TSHZ2: variants seen among roughly 807,000 people sequenced by gnomAD.
The protein encoded by TSHZ2 is teashirt zinc finger homeobox 2.
Under a neutral mutation model 74.4 loss-of-function variants are expected in TSHZ2, and 21 were observed. The ratio of observed to expected loss-of-function variants is 0.28; its 90% CI spans 0.20 to 0.41. The LOEUF is 0.41. Among genes scored for constraint, TSHZ2 ranks in the 10% least tolerant of loss-of-function variants. TSHZ2 has a pLI of 1.00. For synonymous variants in TSHZ2, 540 were observed against 515.3 expected (o/e 1.05, Z -0.65); for missense variants, 1,244 against 1,293.5 (o/e 0.96, Z 0.59).
chr20:53,304,639 G>T (rs944979500), intron 2 of TSHZ2, among the ~76,000 whole-genome samples: 17 of 152,056 alleles, frequency 1.1e-4, no homozygotes, highest in African/African-American at 4.1e-4. Flanking sequence ...TTGTTTGTTT[G>T]TTTGTTTGTT....
intron 1 of TSHZ2, among the ~76,000 whole-genome samples, chr20:53,005,791 T>A (rs1982622516): frequency 6.6e-6 from 1 of 152,228 alleles, no homozygotes; most frequent in Non-Finnish European, 1.5e-5. Flanking sequence ...TTCCTCTAGC[T>A]GATGTGTTTG....
chr20:53,452,464 G>T (rs948180967), intron 2 of TSHZ2, among the ~76,000 whole-genome samples: 2 of 152,106 alleles, frequency 1.3e-5, no homozygotes, highest in Non-Finnish European at 2.9e-5. Context: ...GCTGGGCATG[G>T]TAAAGTGTAC....
intron 2 of TSHZ2, among the ~76,000 whole-genome samples, chr20:53,409,349 G>T (rs916395834): frequency 6.6e-6 from 1 of 151,808 alleles, no homozygotes; most frequent in South Asian, 2.1e-4. Flanking sequence ...ATGTTGTGGC[G>T]CCTACTTAAG....
intron 1 of TSHZ2, among the ~76,000 whole-genome samples, chr20:53,212,763 T>C (rs1219760185): frequency 6.6e-6 from 1 of 152,176 alleles, no homozygotes; most frequent in East Asian, 1.9e-4. Flanking sequence ...TCCCCCAGAT[T>C]GAGAACCAGC....
chr20:53,148,183 A>G (rs941773366), intron 1 of TSHZ2, among the ~76,000 whole-genome samples: 7 of 152,194 alleles, frequency 4.6e-5, no homozygotes, highest in African/African-American at 1.4e-4. Flanking sequence ...ACGAACTTCA[A>G]TTGATCACAT....
At chr20:53,362,650 A>G (rs117991596) in intron 2 of TSHZ2, among the ~76,000 whole-genome samples, 307 of 86,358 alleles carry the variant, frequency 3.6e-3, no homozygotes, top group Non-Finnish European at 6.1e-3. Flanking sequence ...ACAACACACC[A>G]GTCCAGATCT....
intron 1 of TSHZ2, among the ~76,000 whole-genome samples, chr20:53,192,096 ATAT>A (rs1462268327): frequency 6.6e-6 from 1 of 152,224 alleles, no homozygotes; most frequent in Non-Finnish European, 1.5e-5. Flanking sequence ...CAAGGAGATA[ATAT>A]TATTAACTTG....
chr20:53,255,447 GA>G lies in TSHZ2; in HGVS notation c.1991del (p.Lys664ArgfsTer13). The G allele has an allele frequency of 6.2e-7, 1 of 1,611,378 alleles. No individual in the cohort carries two copies. Among genetic ancestry groups the G allele is most frequent in the Non-Finnish European group, 8.5e-7 (1 of 1,179,934 alleles). ...AGAAGCTGATGAAAGAGGGCAGCGA[GA>G]AGGAGAAACCCCAGCCCCTGGAGCC... ...EEKLMKEGSEKEKPQPLEPTS... is the reference protein window; with the variant it reads ...EEKLMKEGSEXEKPQPLEPTS... On this transcript the variant is annotated frameshift_variant, in exon 2 of 3. Transcript: ENST00000371497. LOFTEE classifies it high-confidence loss of function. The surrounding 1 kb of genome is among the most constrained non-coding windows in gnomAD (Gnocchi z 4.1).
intron 2 of TSHZ2, among the ~76,000 whole-genome samples, chr20:53,432,755 G>A (rs1983892454): frequency 6.6e-6 from 1 of 152,106 alleles, no homozygotes; most frequent in African/African-American, 2.4e-5. Context: ...GTTTTTTTCA[G>A]TTGGGCTTCT....
intron 1 of TSHZ2, among the ~76,000 whole-genome samples, chr20:53,143,616 C>T (rs776712445): frequency 3.3e-5 from 5 of 152,004 alleles, no homozygotes; most frequent in Non-Finnish European, 5.9e-5. Flanking sequence ...GGCGTGAACA[C>T]GGGAGGAAGA....
At chr20:53,156,237 G>GA (rs1401854660) in intron 1 of TSHZ2, among the ~76,000 whole-genome samples, 44 of 152,260 alleles carry the variant, frequency 2.9e-4, no homozygotes, top group African/African-American at 9.6e-4. Context: ...AAAGCTAGTT[G>GA]AAGAGGGTCA....
chr20:53,120,999 T>C (rs569939854), intron 1 of TSHZ2, among the ~76,000 whole-genome samples: 3 of 152,342 alleles, frequency 2.0e-5, no homozygotes, highest in East Asian at 1.9e-4. Flanking sequence ...TCTTTTTTTT[T>C]TCTCTTTGCC....
intron 1 of TSHZ2, among the ~76,000 whole-genome samples, chr20:53,100,740 A>G (rs2123291128): frequency 6.6e-6 from 1 of 152,254 alleles, no homozygotes; most frequent in South Asian, 2.1e-4. Context: ...ATTAAATCAC[A>G]TTCCACTGCC....
chr20:53,317,951 T>C (rs533128057), intron 2 of TSHZ2, among the ~76,000 whole-genome samples: 2 of 152,210 alleles, frequency 1.3e-5, no homozygotes, highest in Non-Finnish European at 2.9e-5. Context: ...TGAGGAAAGA[T>C]GGACATCAAT....
At chr20:53,408,961 G>A (rs945428906) in intron 2 of TSHZ2, among the ~76,000 whole-genome samples, 10 of 152,124 alleles carry the variant, frequency 6.6e-5, no homozygotes, top group South Asian at 2.1e-4. Context: ...TATTCTTCTC[G>A]TAGAGACGGT....
chr20:53,264,467 A>T (rs1200272489), intron 2 of TSHZ2, among the ~76,000 whole-genome samples: 1 of 152,226 alleles, frequency 6.6e-6, no homozygotes, highest in Non-Finnish European at 1.5e-5. Context: ...TAAAGTGCAT[A>T]GTCTTAATGA....
intron 1 of TSHZ2, among the ~76,000 whole-genome samples, chr20:53,010,822 A>AT (rs926797510): frequency 6.6e-6 from 1 of 152,110 alleles, no homozygotes; most frequent in Non-Finnish European, 1.5e-5. Flanking sequence ...TGCTATTAAT[A>AT]TTTTTTTATT....
chr20:53,451,180 C>A (rs1384711639), intron 2 of TSHZ2, among the ~76,000 whole-genome samples: 1 of 152,096 alleles, frequency 6.6e-6, no homozygotes, highest in Non-Finnish European at 1.5e-5. Context: ...TACAAGGGTC[C>A]CCTATGATGA....
chr20:53,191,201 G>A (rs1988730228), intron 1 of TSHZ2, among the ~76,000 whole-genome samples: 1 of 151,978 alleles, frequency 6.6e-6, no homozygotes, highest in South Asian at 2.1e-4. Context: ...GTATTGTATT[G>A]TATATGTAAT....
Sources: gnomAD v4.1 joint callset for allele counts (sites outside exome capture counted in the v4.1 genomes callset) on GRCh38, gnomAD v4.1.1 for gene constraint, Gnocchi (gnomAD v3.1) non-coding constraint, MANE v1.5 for transcripts, NCBI Gene and HGNC (gene_info 2026-07-23, HGNC 2026-07-21) for gene names.